Variants in HSD17B3 observed in about 807,000 individuals in gnomAD.
HSD17B3 encodes the protein hydroxysteroid 17-beta dehydrogenase 3.
A neutral mutation model predicts 41.1 loss-of-function variants in HSD17B3; 29 were observed. The observed-to-expected ratio is 0.71, with a 90% CI of 0.53 to 0.96. HSD17B3 has a LOEUF of 0.96. Ranked by LOEUF, HSD17B3 falls within the 40% of genes least tolerant of loss-of-function variation. The probability of loss-of-function intolerance (pLI) is 0.00; values close to 1 mark genes in which losing one functional copy is unlikely to be tolerated. For synonymous variants in HSD17B3, 126 were observed against 145.6 expected (o/e 0.87, Z 0.97); for missense variants, 323 against 374.6 (o/e 0.86, Z 1.14).
intron 2 of HSD17B3, among the ~76,000 whole-genome samples, chr9:96,255,993 A>C (rs901343960): frequency 3.3e-5 from 5 of 152,202 alleles, no homozygotes; most frequent in African/African-American, 1.2e-4. Context: ...GCCGCTGGAG[A>C]TGTGTCTGTA....
chr9:96,269,701 C>T (rs1327490545), intron 2 of HSD17B3, among the ~76,000 whole-genome samples: 3 of 151,752 alleles, frequency 2.0e-5, no homozygotes, highest in Admixed American at 6.6e-5. Flanking sequence ...GTCAGGAGTT[C>T]GAGACCAACC....
At position 96,301,949 on chromosome 9, in the gene HSD17B3, A is replaced by G; in HGVS notation, c.154+2T>C. 6.2e-7 allele frequency: 1 copy of G among 1,613,876 alleles called. No individual in the cohort carries two copies. ...AAAACATGAGATGGAACACTCCCTT[A>G]CCTGCCCACTGTCCCATTGACCGCA... On this transcript the variant is annotated splice_donor_variant, in intron 1 of 10. Coordinates refer to ENST00000375263, the MANE Select transcript of HSD17B3 (RefSeq NM_000197.2). LOFTEE classifies it high-confidence loss of function.
At position 96,260,747 on chromosome 9, in the gene HSD17B3, G is replaced by C. The variant is rs992948906; in HGVS notation, c.202-5804C>G. ...ACCACTGTACTCCAGCCTGGCGACA[G>C]AGTGAGACTCTATCTCAATAAATAA... On this transcript the variant is annotated intron_variant, in intron 2 of 10. Coordinates refer to ENST00000375263, the MANE Select transcript of HSD17B3 (RefSeq NM_000197.2). 2.6e-5 allele frequency among the ~76,000 whole-genome samples: 4 copies of C among 152,156 alleles called. No homozygotes were observed. The South Asian group carries it at 6.2e-4, about 24-fold the overall frequency.
At chr9:96,254,370 C>T (rs1825544132) in intron 3 of HSD17B3, among the ~76,000 whole-genome samples, 2 of 152,184 alleles carry the variant, frequency 1.3e-5, no homozygotes, top group Non-Finnish European at 2.9e-5. Context: ...CAGAAGCAAC[C>T]AGGCAGCCTG....
chr9:96,299,307 A>G (rs1005352971), intron 1 of HSD17B3, among the ~76,000 whole-genome samples: 7 of 152,232 alleles, frequency 4.6e-5, no homozygotes, highest in African/African-American at 9.6e-5. Context: ...CAAGCTGTAC[A>G]AGCCTCACGG....
chr9:96,285,101 A>C (rs962433805), intron 2 of HSD17B3, among the ~76,000 whole-genome samples: 16 of 152,148 alleles, frequency 1.1e-4, no homozygotes, highest in African/African-American at 3.1e-4. Flanking sequence ...AGCCTCCCTA[A>C]GTGTTGGGAT....
intron 2 of HSD17B3, among the ~76,000 whole-genome samples, chr9:96,284,215 T>TAAA (rs569621446): frequency 0.03 from 3,052 of 100,074 alleles, 71 homozygotes; most frequent in African/African-American, 0.061. Flanking sequence ...GACTCCATCT[T>TAAA]AAAAAAAAAA....
rs1836820422 is a variant in HSD17B3 at position 96,249,781 on chromosome 9, G to A, written c.459C>T (p.Leu153=). 1 of 1,614,088 alleles carries A rather than the reference G, an allele frequency of 6.2e-7. No homozygotes were observed. Among genetic ancestry groups the A allele is most frequent in the Non-Finnish European group, 8.5e-7 (1 of 1,179,976 alleles). ...CTACGGAGGTGATGTTACAATGGAT[G>A]AGGCTCTGTAATAAATAATCACAAC... ...FLNAPDEIQS[L]IHCNITSVVK... Residue 153 remains leucine, a synonymous_variant, in exon 6 of 11, where the codon CTC becomes CTT. Coordinates refer to ENST00000375263, the MANE Select transcript of HSD17B3 (RefSeq NM_000197.2).
intron 1 of HSD17B3, 114 bp downstream of exon 1, chr9:96,301,837 C>T (rs372057862): frequency 8.7e-5 from 100 of 1,152,086 alleles, no homozygotes; most frequent in South Asian, 2.5e-4. Flanking sequence ...GCCAAGATCG[C>T]GCCATTGCAC....
At chr9:96,293,103 A>G (rs2130793049) in intron 2 of HSD17B3, among the ~76,000 whole-genome samples, 1 of 152,372 alleles carries the variant, frequency 6.6e-6, no homozygotes, top group South Asian at 2.1e-4. Flanking sequence ...GAAGAAAGAA[A>G]GAGCAACAGG....
chr9:96,238,570 G>A (rs928664378), intron 10 of HSD17B3, among the ~76,000 whole-genome samples: 1 of 152,172 alleles, frequency 6.6e-6, no homozygotes, highest in African/African-American at 2.4e-5. Flanking sequence ...GCTGAGGCAG[G>A]AGAATCGCTG....
At chr9:96,298,742 T>A (rs765200268) in intron 1 of HSD17B3, among the ~76,000 whole-genome samples, 1 of 152,096 alleles carries the variant, frequency 6.6e-6, no homozygotes, top group Non-Finnish European at 1.5e-5. Context: ...GGAAAACATG[T>A]TCCAAAATGA....
intron 2 of HSD17B3, among the ~76,000 whole-genome samples, chr9:96,256,495 AAAATAAACAAAT>A (rs1343737731): frequency 6.6e-6 from 1 of 152,000 alleles, no homozygotes; most frequent in East Asian, 1.9e-4. Flanking sequence ...ATAAAAAATA[AAAATAAACAAAT>A]AAATAAATAA....
intron 6 of HSD17B3, among the ~76,000 whole-genome samples, chr9:96,246,889 C>A (rs1031919537): frequency 6.6e-6 from 1 of 152,166 alleles, no homozygotes; most frequent in Non-Finnish European, 1.5e-5. Flanking sequence ...AATTGGCTTA[C>A]AGCTGTGGGA....
At chr9:96,259,082 G>A (rs1587737853) in intron 2 of HSD17B3, among the ~76,000 whole-genome samples, 1 of 152,136 alleles carries the variant, frequency 6.6e-6, no homozygotes, top group Non-Finnish European at 1.5e-5. Flanking sequence ...ATGCCCCTCT[G>A]TTAACCACCT....
At chr9:96,269,909 G>GAAAAAAA (rs59947729) in intron 2 of HSD17B3, among the ~76,000 whole-genome samples, 2 of 103,880 alleles carry the variant, frequency 1.9e-5, no homozygotes, top group Non-Finnish European at 1.9e-5. Flanking sequence ...ATCTTAAAAA[G>GAAAAAAA]AAAAAAAAAA....
chr9:96,254,859 G>T lies in HSD17B3; in HGVS notation c.277+9C>A, dbSNP rs1287835596. The T allele has an allele frequency of 1.2e-6, 2 of 1,612,084 alleles. No homozygotes were observed. Among genetic ancestry groups the T allele is most frequent in the East Asian group, 2.2e-5 (1 of 44,872 alleles). On this transcript the variant is annotated intron_variant, in intron 3 of 10. Transcript: ENST00000375263. ...CACACACATCTCCCTTATTTGGGGG[G>T]TCACTCACCGATCTCTGTGGCAATG...
intron 6 of HSD17B3, among the ~76,000 whole-genome samples, chr9:96,248,201 C>T (rs770618094): frequency 7.9e-5 from 12 of 152,162 alleles, no homozygotes; most frequent in Non-Finnish European, 1.5e-4. Context: ...CTCATAATTA[C>T]ATCAGCTGGG....
intron 2 of HSD17B3, among the ~76,000 whole-genome samples, chr9:96,287,749 A>C (rs980437582): frequency 4.6e-5 from 7 of 151,914 alleles, no homozygotes; most frequent in Admixed American, 1.3e-4. Flanking sequence ...TTTTTTAAAA[A>C]GACAACTTTA....
Sources: gnomAD v4.1 joint callset for allele counts (sites outside exome capture counted in the v4.1 genomes callset) on GRCh38, gnomAD v4.1.1 for gene constraint, MANE v1.5 for transcripts, NCBI Gene and HGNC (gene_info 2026-07-23, HGNC 2026-07-21) for gene names.